The following NRG1 variants were observed in gnomAD, a reference collection of about 807,000 sequenced individuals.
The protein encoded by NRG1 is pro-neuregulin-1, membrane-bound isoform.
NRG1 carries 18 observed loss-of-function variants against 63.8 expected under a neutral mutation model. That is an observed-to-expected ratio of 0.28 (90% CI 0.19 to 0.42). The LOEUF (loss-of-function observed/expected upper bound fraction) is 0.42. Among genes scored for constraint, NRG1 ranks in the 10% least tolerant of loss-of-function variants. The probability of loss-of-function intolerance (pLI) is 1.00; values close to 1 mark genes in which losing one functional copy is unlikely to be tolerated. For synonymous variants in NRG1, 302 were observed against 301.3 expected, an observed-to-expected ratio of 1.00 and a Z score of -0.02; for missense variants, 762 against 814.7, an observed-to-expected ratio of 0.94 and a Z score of 0.79.
intron 1 of NRG1, among the ~76,000 whole-genome samples, chr8:31,982,069 A>G (rs1809210073): frequency 6.6e-6 from 1 of 151,952 alleles, no homozygotes; most frequent in South Asian, 2.1e-4. Context: ...TCGCAGTCAC[A>G]GCTCAAGGAG....
At chr8:32,698,846 A>G (rs1377321230) in intron 5 of NRG1, among the ~76,000 whole-genome samples, 1 of 152,220 alleles carries the variant, frequency 6.6e-6, no homozygotes, top group Non-Finnish European at 1.5e-5. Context: ...TTTTCATATA[A>G]TATTAAAATC....
At chr8:31,810,472 T>C (rs1337595446) in intron 1 of NRG1, among the ~76,000 whole-genome samples, 1 of 152,202 alleles carries the variant, frequency 6.6e-6, no homozygotes, top group African/African-American at 2.4e-5. Context: ...TGTCTATCAT[T>C]GTTCACTGTG....
intron 1 of NRG1, among the ~76,000 whole-genome samples, chr8:32,219,284 A>G (rs1338742343): frequency 6.6e-6 from 1 of 152,206 alleles, no homozygotes; most frequent in Non-Finnish European, 1.5e-5. Context: ...GGCACCTAAA[A>G]CAGCTCTTTT....
chr8:32,728,059 C>T, exon 6 of NRG1: 5 of 1,613,868 alleles, frequency 3.1e-6, no homozygotes, highest in Non-Finnish European at 4.2e-6. Flanking sequence ...CCTTTCAAAC[C>T]CCTCGAGATA....
chr8:32,658,622 A>G (rs1802083203), intron 5 of NRG1, among the ~76,000 whole-genome samples: 1 of 46,894 alleles, frequency 2.1e-5, no homozygotes, highest in Admixed American at 3.3e-4. Flanking sequence ...ATTTTATCAC[A>G]GAGAGACAAG....
intron 1 of NRG1, among the ~76,000 whole-genome samples, chr8:31,980,414 C>G (rs1358332426): frequency 2.0e-5 from 3 of 151,902 alleles, no homozygotes; most frequent in Non-Finnish European, 4.4e-5. Flanking sequence ...AATGTTTAGC[C>G]TTTTTGTCTT....
intron 5 of NRG1, among the ~76,000 whole-genome samples, chr8:32,641,152 C>CATATAT (rs35696837): frequency 1.7e-4 from 25 of 147,564 alleles, no homozygotes; most frequent in Non-Finnish European, 3.6e-4. Flanking sequence ...TAAATATATA[C>CATATAT]ATATATATAT....
chr8:32,353,190 A>G (rs1180671440), intron 1 of NRG1, among the ~76,000 whole-genome samples: 1 of 150,672 alleles, frequency 6.6e-6, no homozygotes, highest in African/African-American at 2.4e-5. Context: ...ATAGCATGTT[A>G]TGCCATGAAA....
chr8:32,018,766 G>T (rs1162788445), intron 1 of NRG1, among the ~76,000 whole-genome samples: 1 of 152,220 alleles, frequency 6.6e-6, no homozygotes, highest in African/African-American at 2.4e-5. Flanking sequence ...CATACTGATA[G>T]AAGTGGAATT....
intron 1 of NRG1, among the ~76,000 whole-genome samples, chr8:32,411,780 G>A (rs1194815123): frequency 5.3e-5 from 8 of 152,208 alleles, no homozygotes; most frequent in African/African-American, 1.9e-4. Flanking sequence ...TGTCCCTTGT[G>A]TAAAATCAGT....
chr8:31,910,256 C>T (rs1229906975), intron 1 of NRG1, among the ~76,000 whole-genome samples: 1 of 152,104 alleles, frequency 6.6e-6, no homozygotes, highest in African/African-American at 2.4e-5. Flanking sequence ...AACTTCTAGT[C>T]AGTATGACCA....
At chr8:32,276,381 T>G (rs2129472842) in intron 1 of NRG1, among the ~76,000 whole-genome samples, 1 of 152,342 alleles carries the variant, frequency 6.6e-6, no homozygotes, top group East Asian at 1.9e-4. Context: ...AGAATTTCAT[T>G]CTTTTTTACA....
At chr8:32,069,745 A>G (rs1009549718) in intron 1 of NRG1, among the ~76,000 whole-genome samples, 6 of 152,156 alleles carry the variant, frequency 3.9e-5, no homozygotes, top group African/African-American at 1.4e-4. Context: ...AAGGGTACCA[A>G]AACCTTGAGG....
chr8:31,743,502 C>T (rs1815512724), intron 1 of NRG1, among the ~76,000 whole-genome samples: 2 of 151,902 alleles, frequency 1.3e-5, no homozygotes, highest in African/African-American at 2.4e-5. Flanking sequence ...CACACTAAGA[C>T]TAGTTACCAT....
chr8:32,408,816 C>T, intron 1 of NRG1, among the ~76,000 whole-genome samples: 1 of 152,040 alleles, frequency 6.6e-6, no homozygotes. Flanking sequence ...TAACTCTGGT[C>T]TTTCAGTGTA....
At chr8:32,111,817 C>T (rs1832065718) in intron 1 of NRG1, among the ~76,000 whole-genome samples, 1 of 151,982 alleles carries the variant, frequency 6.6e-6, no homozygotes, top group Non-Finnish European at 1.5e-5. Context: ...GTAAGTTTAC[C>T]CTTCTATCCA....
intron 1 of NRG1, among the ~76,000 whole-genome samples, chr8:32,256,966 T>C (rs577439070): frequency 2.0e-5 from 3 of 152,346 alleles, no homozygotes; most frequent in Admixed American, 2.0e-4. Flanking sequence ...GCTGCCTTTC[T>C]TTCAGAGATG....
intron 1 of NRG1, among the ~76,000 whole-genome samples, chr8:32,342,224 A>C (rs1804169976): frequency 6.6e-6 from 1 of 152,230 alleles, no homozygotes; most frequent in Non-Finnish European, 1.5e-5. Context: ...AAACCACTTT[A>C]AAGCATGGCA....
Position 32,386,364 on chromosome 8 carries a change from G to A in NRG1, c.38-209464G>A, listed in dbSNP as rs530647155. ...ACAGAGCTAAGAGTTAGACGACCCAGACTTTCCTCCCTCCGTTGCCTCTGT... is the reference window on the plus strand; with the variant it reads ...ACAGAGCTAAGAGTTAGACGACCCAAACTTTCCTCCCTCCGTTGCCTCTGT... On this transcript the variant is annotated intron_variant, in intron 1 of 10. Coordinates refer to the NRG1 transcript ENST00000519301. Among the ~76,000 whole-genome samples, 145 of 152,288 alleles carry A rather than the reference G, an allele frequency of 9.5e-4. 1 individual carries two copies. The highest frequency in any genetic ancestry group is 3.4e-3 in the African/African-American group (141 of 41,576).
Sources: allele counts gnomAD v4.1 joint callset (sites outside exome capture counted in the v4.1 genomes callset), GRCh38; gene constraint gnomAD v4.1.1; transcripts MANE v1.5; gene names NCBI Gene and HGNC (gene_info 2026-07-23, HGNC 2026-07-21).